PER1: variants seen among roughly 807,000 people sequenced by gnomAD.
PER1 encodes the protein period circadian protein homolog 1.
PER1 carries 87 observed loss-of-function variants against 125.9 expected under a neutral mutation model. The ratio of observed to expected loss-of-function variants is 0.69; its 90% CI spans 0.58 to 0.83. PER1 has a LOEUF of 0.83. Ranked by LOEUF, PER1 falls within the 40% of genes least tolerant of loss-of-function variation. PER1 has a pLI of 0.00. For missense variants in PER1, 1,775 were observed against 1,722.8 expected (o/e 1.03, Z -0.54); for synonymous variants, 801 against 714.7 (o/e 1.12, Z -1.93).
At position 8,143,837 on chromosome 17, in the gene PER1, T is replaced by C. The variant is rs755635572; in HGVS notation, c.2501A>G (p.His834Arg). ...TGAGCGCTTGGCTTTGGATCGGCAG[T>C]GGTGTCGGCGGCTTGGGGGTGCGGG... ...HGPAPPSRRH[H>R]CRSKAKRSRH... is the part of the protein sequence containing the mutation. Residue 834 changes from histidine (H) to arginine (R), a missense_variant, in exon 19 of 23, where the codon CAC becomes CGC. Coordinates refer to ENST00000317276, the MANE Select transcript of PER1 (RefSeq NM_002616.3). 3.1e-6 allele frequency: 5 copies of C among 1,610,066 alleles called. No individual in the cohort carries two copies. The highest frequency in any genetic ancestry group is 1.3e-5 in the African/African-American group (1 of 74,340).
Position 8,148,255 on chromosome 17 carries a change from G to A in PER1, c.1053C>T (p.Pro351=), listed in dbSNP as rs373161739. 3.8e-5 allele frequency: 62 copies of A among 1,613,640 alleles called. No individual in the cohort carries two copies. The highest frequency in any genetic ancestry group is 5.3e-5 in the Non-Finnish European group (62 of 1,179,702). ...AERIHSGYEA[P]RIPPDKRIFT... The stretch of plus-strand genomic sequence containing the variant: ...AAATCCTCTTGTCAGGGGGTATCCG[G>A]GGAGCTGAGGCACAGAGAGTGTGGT... The change falls in exon 9 of 23, where the codon CCC becomes CCT. Residue 351 remains proline (P), a synonymous_variant. Coordinates refer to ENST00000317276, the MANE Select transcript of PER1 (RefSeq NM_002616.3).
chr17:8,141,409 C>G (rs1305918909), intron 22 of PER1, 69 bp from the exon 23 acceptor site: 5 of 1,499,788 alleles, frequency 3.3e-6, no homozygotes, highest in Middle Eastern at 2.5e-4. Context: ...GCGCAGCTTC[C>G]CACCCCCAGC....
rs547527923 is a variant in PER1 at position 8,143,410 on chromosome 17, C to T, written c.2928G>A (p.Ser976=). 35 of 1,613,130 alleles carry T rather than the reference C, an allele frequency of 2.2e-5. No individual in the cohort carries two copies. In the East Asian group the frequency reaches 2.5e-4, roughly 11 times the overall value. The change falls in exon 19 of 23, where the codon TCG becomes TCA. Residue 976 remains serine (S), a synonymous_variant. Coordinates refer to ENST00000317276, the MANE Select transcript of PER1 (RefSeq NM_002616.3). ...PHRPDSPLFN[S]RCSSPLQLNL... ...TGAGCTGGAGTGGAGAGCTGCATCTCGAGTTGAACAGTGGAGAGTCCGGGC... is the reference window on the plus strand; with the variant it reads ...TGAGCTGGAGTGGAGAGCTGCATCTTGAGTTGAACAGTGGAGAGTCCGGGC...
In PER1 at chr17:8,150,120, T is replaced by A; in HGVS notation, c.380A>T (p.Glu127Val). 6.2e-7 allele frequency: 1 copy of A among 1,614,044 alleles called. No individual in the cohort carries two copies. The highest frequency in any genetic ancestry group is 8.5e-7 in the Non-Finnish European group (1 of 1,179,896). The change falls in exon 4 of 23, where the codon GAA (glutamate) becomes GTA (valine). Residue 127 changes from glutamate to valine, a missense_variant. By Grantham distance (121) the Glu-to-Val change is moderately radical. Transcript: ENST00000317276. The stretch of plus-strand genomic sequence containing the variant: ...CTGAGTCCTTGCCCGGGCTGACTGT[T>A]CACTGCTGCGGGGCCCACAGGGAAG... ...DNPSTSGCSS[E>V]QSARARTQKE...
Position 8,149,806 on chromosome 17 carries a change from A to G in PER1, c.600T>C (p.Tyr200=), listed in dbSNP as rs1183641488. 1.2e-6 allele frequency: 2 copies of G among 1,613,586 alleles called. No individual in the cohort carries two copies. Among genetic ancestry groups the G allele is most frequent in the Non-Finnish European group, 1.7e-6 (2 of 1,179,896 alleles). The part of the protein sequence containing the change: ...GEPCSMDMST[Y]TLEELEHITS... ...TGATGTGCTCCAGCTCCTCCAGGGT[A>G]TAGGTGGACATGTCCATGGAGCAAG... The change falls in exon 5 of 23, where the codon TAT becomes TAC. Residue 200 remains tyrosine, a synonymous_variant. Transcript: ENST00000317276.
Position 8,149,761 on chromosome 17 carries a change from C to G in PER1, c.645G>C (p.Gln215His), listed in dbSNP as rs369820908. The change falls in exon 5 of 23, where the codon CAG becomes CAC. Residue 215 changes from glutamine to histidine, a missense_variant. Gln to His is a conservative substitution (Grantham distance 24, BLOSUM62 0). Coordinates refer to ENST00000317276, the MANE Select transcript of PER1 (RefSeq NM_002616.3). ...LEHITSEYTL[Q>H]NQDTFSVAVS... ...AGGCCAGGCCGCCGCTGACCTGGTT[C>G]TGAAGTGTGTACTCAGACGTGATGT... 1.2e-6 allele frequency: 2 copies of G among 1,612,812 alleles called. No individual in the cohort carries two copies. Among genetic ancestry groups the G allele is most frequent in the African/African-American group, 2.7e-5 (2 of 74,936 alleles).
Position 8,150,934 on chromosome 17 carries a change from T to A in PER1, c.-139-89A>T, listed in dbSNP as rs544541250. Reference sequence around the variant, plus strand: ...GCTTCACTCAGACCTTCCCCCTGCCTGGCCTCCTGCAGGACTGATGGGAGT... The same window carrying A: ...GCTTCACTCAGACCTTCCCCCTGCCAGGCCTCCTGCAGGACTGATGGGAGT... On this transcript the variant is annotated intron_variant, in intron 1 of 22. Coordinates refer to ENST00000317276, the MANE Select transcript of PER1 (RefSeq NM_002616.3). 7.6e-5 allele frequency: 39 copies of A among 510,540 alleles called. No individual in the cohort carries two copies. The Admixed American group carries it at 1.1e-3, about 14-fold the overall frequency. 31.6% of individuals were successfully genotyped at this position (510,540 alleles called of 1,614,324 possible).
chr17:8,141,561 G>A (rs1464824878), intron 22 of PER1, among the ~76,000 whole-genome samples: 2 of 152,216 alleles, frequency 1.3e-5, no homozygotes, highest in Admixed American at 6.5e-5. Context: ...GCATAGGATA[G>A]GCTGTGAAAA....
At chr17:8,143,936 C>A in intron 18 of PER1, 60 bp from the exon 19 acceptor site, 1 of 1,540,142 alleles carries the variant, frequency 6.5e-7, no homozygotes, top group South Asian at 1.2e-5. Flanking sequence ...CCCTGCTACC[C>A]ACACTGCCCT....
At position 8,143,910 on chromosome 17, in the gene PER1, A is replaced by G; in HGVS notation, c.2462-34T>C. The G allele has an allele frequency of 2.5e-6, 4 of 1,578,288 alleles. No individual in the cohort carries two copies. The South Asian group carries it at 4.6e-5, about 18-fold the overall frequency. ...AGAGACTAGGGTTAGCAAGGACCTC[A>G]ACCTGGGGTTAGTACCCCTGCTACC... On this transcript the variant is annotated intron_variant, in intron 18 of 22. Transcript: ENST00000317276.
chr17:8,149,863 G>A lies in PER1; in HGVS notation c.543C>T (p.Tyr181=). 11 of 1,614,154 alleles carry A rather than the reference G, an allele frequency of 6.8e-6. No homozygotes were observed. Among genetic ancestry groups the A allele is most frequent in the Non-Finnish European group, 9.3e-6 (11 of 1,180,036 alleles). Reference sequence around the variant, plus strand: ...CCTCCTCCAGGCTCCACTGCTGGTAGTATTCCTGGTTGGCTGCAGAGTGGA... The same window carrying A: ...CCTCCTCCAGGCTCCACTGCTGGTAATATTCCTGGTTGGCTGCAGAGTGGA... ...CVKQVQANQE[Y]YQQWSLEEGE... The change falls in exon 5 of 23, where the codon TAC becomes TAT. Residue 181 remains tyrosine, a synonymous_variant. Coordinates refer to ENST00000317276, the MANE Select transcript of PER1 (RefSeq NM_002616.3).
At chr17:8,142,485 G>C (rs769588177) in intron 20 of PER1, 27 bp from the exon 21 acceptor site, 10 of 1,554,418 alleles carry the variant, frequency 6.4e-6, no homozygotes, top group Middle Eastern at 2.1e-4. Context: ...AGACCAATGG[G>C]AGTCAGGCCG....
chr17:8,148,613 C>T (rs367848011), intron 8 of PER1, 31 bp downstream of exon 8: 257 of 1,570,528 alleles, frequency 1.6e-4, no homozygotes, highest in Non-Finnish European at 2.1e-4. Context: ...TCCTCCCAGC[C>T]CCCACCAGGC....
rs1368346057 is a variant in PER1 at position 8,144,923 on chromosome 17, T to C, written c.2289A>G (p.Thr763=). ...CGTCTGGGGCTGGGTCAGGGGCTAC[T>C]GTGGGGCTGGGGGCTGGGCTGGGGG... ...GPAPSPAPSP[T]VAPDPAPDAY... The change falls in exon 18 of 23, where the codon ACA becomes ACG. Residue 763 remains threonine (T), a synonymous_variant. Transcript: ENST00000317276. 6.5e-7 allele frequency: 1 copy of C among 1,529,564 alleles called. No individual in the cohort carries two copies. The highest frequency in any genetic ancestry group is 1.4e-5 in the African/African-American group (1 of 72,600). The allele number at this position is 1,529,564 out of a possible 1,614,324, so 94.7% of individuals were successfully genotyped here.
chr17:8,146,575 G>A lies in PER1; in HGVS notation c.1907+19C>T, dbSNP rs765343125. The A allele has an allele frequency of 1.6e-5, 25 of 1,603,576 alleles. 1 individual carries two copies. In the East Asian group the frequency reaches 5.1e-4, roughly 33 times the overall value. On this transcript the variant is annotated intron_variant, in intron 15 of 22. Transcript: ENST00000317276. ...CAGGGTTAGAGCCCGAGGTGGAGAA[G>A]ATGCCTGGCAGGCCTTACCTGAGGA...
At position 8,143,634 on chromosome 17, in the gene PER1, G is replaced by C. The variant is rs2151859519; in HGVS notation, c.2704C>G (p.Pro902Ala). ...RGGPQPLPPAPTSVPPAAFPA... is the reference protein window; with the variant it reads ...RGGPQPLPPAATSVPPAAFPA... ...AAAGCAGCTGGGGGCACAGATGTGG[G>C]AGCAGGGGGAAGAGGCTGGGGGCCT... is the stretch of plus-strand genomic sequence containing the variant. Residue 902 changes from proline to alanine, a missense_variant, in exon 19 of 23, where the codon CCC becomes GCC. Physicochemically the swap from Pro to Ala is conservative, Grantham distance 27 (BLOSUM62 -1). Coordinates refer to ENST00000317276, the MANE Select transcript of PER1 (RefSeq NM_002616.3). 1.4e-6 allele frequency: 2 copies of C among 1,450,066 alleles called. No homozygotes were observed. The highest frequency in any genetic ancestry group is 2.7e-5 in the Admixed American group (1 of 37,362). The allele number at this position is 1,450,066 out of a possible 1,614,324, so 89.8% of individuals were successfully genotyped here.
rs191969970 is a variant in PER1, at chr17:8,145,059, C to A, written c.2219-66G>T. The A allele has an allele frequency of 3.1e-3, 4,177 of 1,361,024 alleles. 9 individuals are homozygous for A. Among genetic ancestry groups the A allele is most frequent in the Non-Finnish European group, 3.6e-3 (3,844 of 1,053,640 alleles). 84.3% of individuals were successfully genotyped at this position (1,361,024 alleles called of 1,614,324 possible). A position where few individuals can be genotyped will look rare whatever the true frequency, so the allele number is the denominator to read the frequency against. On this transcript the variant is annotated intron_variant, in intron 17 of 22. Coordinates refer to ENST00000317276, the MANE Select transcript of PER1 (RefSeq NM_002616.3). ...CAGGGGTCAACACATCCATACCACA[C>A]CCTCCCTGTCTGATAGCCTAGCCAA...
chr17:8,149,711 G>A (rs1222440288), intron 5 of PER1, 44 bp downstream of exon 5: 17 of 1,612,012 alleles, frequency 1.1e-5, no homozygotes, highest in South Asian at 5.5e-5. Flanking sequence ...TGTGGGAGAA[G>A]GAGTAGGGGT....
rs200364636 is a variant in PER1 at position 8,146,967 on chromosome 17, C to A, written c.1665G>T (p.Leu555=). The change falls in exon 14 of 23, where the codon CTG becomes CTT. Residue 555 remains leucine, a synonymous_variant. Coordinates refer to ENST00000317276, the MANE Select transcript of PER1 (RefSeq NM_002616.3). ...AAAGCTGCTGGCCCTGGTGCTTCAC[C>A]AGATGCACATCCTTACAGATCTGCT... The part of the protein sequence containing the change: ...TFQQICKDVH[L]VKHQGQQLFI... 1.9e-5 allele frequency: 31 copies of A among 1,614,062 alleles called. No homozygotes were observed. Among genetic ancestry groups the A allele is most frequent in the Admixed American group, 1.0e-4 (6 of 60,014 alleles).
Sources: gnomAD v4.1 joint callset for allele counts (sites outside exome capture counted in the v4.1 genomes callset) on GRCh38, gnomAD v4.1.1 for gene constraint, MANE v1.5 for transcripts, NCBI Gene and HGNC (gene_info 2026-07-23, HGNC 2026-07-21) for gene names.